PCDH15: variants seen among roughly 807,000 people sequenced by gnomAD.
The protein encoded by PCDH15 is protocadherin-15.
In PCDH15, 129 loss-of-function variants were observed where a neutral mutation model predicts 178.5. That is an observed-to-expected ratio of 0.72 (90% confidence interval 0.63 to 0.84). The LOEUF is 0.84. PCDH15 is among the 40% of genes least tolerant of loss of function. The pLI is 0.00. For synonymous variants in PCDH15, 800 were observed against 732.0 expected, an observed-to-expected ratio of 1.09 and a Z score of -1.50; for missense variants, 2,230 against 2,099.9, an observed-to-expected ratio of 1.06 and a Z score of -1.21.
chr10:55,335,076 G>A (rs965563806), intron 2 of PCDH15, among the ~76,000 whole-genome samples: 3 of 152,166 alleles, frequency 2.0e-5, no homozygotes, highest in Non-Finnish European at 4.4e-5. Flanking sequence ...AAACATAGTT[G>A]TGCTTCTTCC....
intron 2 of PCDH15, among the ~76,000 whole-genome samples, chr10:55,594,903 A>G (rs976259809): frequency 4.6e-5 from 7 of 152,078 alleles, no homozygotes; most frequent in African/African-American, 1.7e-4. Flanking sequence ...ACAAAATTAC[A>G]TATGTACCTA....
chr10:55,292,756 G>A (rs35027245), intron 1 of PCDH15, among the ~76,000 whole-genome samples: 1 of 152,240 alleles, frequency 6.6e-6, no homozygotes, highest in African/African-American at 2.4e-5. Flanking sequence ...GCTGAAGCAA[G>A]AGGTCAGCTC....
chr10:54,535,061 C>T lies in PCDH15; in HGVS notation c.92-7184G>A, dbSNP rs147749922. ...AAGTAATTCAGTTCCAATTCAAGAA[C>T]AGGATATGCTACTTGTGTTACTCTC... is the stretch of plus-strand genomic sequence containing the variant. On this transcript the variant is annotated intron_variant, in intron 2 of 37. Transcript: ENST00000644397. Among the ~76,000 whole-genome samples, 843 of 152,242 alleles carry T rather than the reference C, an allele frequency of 5.5e-3. 1 individual carries two copies. The highest frequency in any genetic ancestry group is 8.5e-3 in the South Asian group (41 of 4,828).
intron 5 of PCDH15, among the ~76,000 whole-genome samples, chr10:54,360,634 A>G (rs1428984754): frequency 1.3e-5 from 2 of 152,132 alleles, no homozygotes; most frequent in African/African-American, 4.8e-5. Context: ...TCAGTCAATT[A>G]TAACTTTTTA....
intron 2 of PCDH15, among the ~76,000 whole-genome samples, chr10:55,412,226 G>C (rs1244443153): frequency 6.6e-6 from 1 of 151,992 alleles, no homozygotes; most frequent in Non-Finnish European, 1.5e-5. Context: ...TCACTGAATG[G>C]AGGGGATTTG....
At chr10:55,519,218 AC>A (rs1841096468) in intron 2 of PCDH15, among the ~76,000 whole-genome samples, 1 of 136,540 alleles carries the variant, frequency 7.3e-6, no homozygotes, top group African/African-American at 2.8e-5. Flanking sequence ...CTGAAAACCC[AC>A]CCTTCATGTT....
intron 2 of PCDH15, among the ~76,000 whole-genome samples, chr10:54,618,159 T>G (rs2093239886): frequency 6.6e-6 from 1 of 152,110 alleles, no homozygotes. Context: ...ACCTCCTGTT[T>G]TCTATAGACA....
In PCDH15 at chr10:54,768,321, G is replaced by A. The variant is rs188820064; in HGVS notation, c.-29+32604C>T. On this transcript the variant is annotated intron_variant, in intron 1 of 37. Transcript: ENST00000644397. ...TCTTTTCCCTGGTTTGCTATGAAAT[G>A]AATGAACAGGACTACAAGAGTTCTG... Among the ~76,000 whole-genome samples, 396 of 152,228 alleles carry A rather than the reference G, an allele frequency of 2.6e-3. 1 individual carries two copies. The highest frequency in any genetic ancestry group is 8.1e-3 in the African/African-American group (335 of 41,516).
At chr10:55,414,823 T>C (rs1838438208) in intron 2 of PCDH15, among the ~76,000 whole-genome samples, 1 of 150,476 alleles carries the variant, frequency 6.6e-6, no homozygotes, top group South Asian at 2.1e-4. Flanking sequence ...GTGTGTTGTG[T>C]ATAGAGTCTT....
rs575914660 is a variant in PCDH15 at position 55,113,488 on chromosome 10, T to A, written c.-80+53088A>T. ...TAAAATACATGGAAGAAGGTAGTCA[T>A]CAAATTCCCAAACTGATATTGTAAC... On this transcript the variant is annotated intron_variant, in intron 2 of 5. Coordinates refer to the PCDH15 transcript ENST00000458638. 3.3e-5 allele frequency among the ~76,000 whole-genome samples: 5 copies of A among 152,322 alleles called. No homozygotes were observed. The South Asian group carries it at 1.0e-3, about 32-fold the overall frequency.
intron 2 of PCDH15, among the ~76,000 whole-genome samples, chr10:54,981,306 C>A (rs1839226102): frequency 1.3e-5 from 2 of 152,126 alleles, no homozygotes; most frequent in African/African-American, 2.4e-5. Context: ...CCTTGCCATA[C>A]CAAATTCCAT....
chr10:53,932,020 T>A (rs1421695073), intron 25 of PCDH15, among the ~76,000 whole-genome samples: 2 of 152,174 alleles, frequency 1.3e-5, no homozygotes, highest in Non-Finnish European at 1.5e-5. Context: ...GGTAGCGAAG[T>A]TCCTACTTCA....
At chr10:54,867,273 C>T (rs896052485) in intron 3 of PCDH15, among the ~76,000 whole-genome samples, 1 of 152,104 alleles carries the variant, frequency 6.6e-6, no homozygotes, top group Non-Finnish European at 1.5e-5. Flanking sequence ...ACTGTGATCT[C>T]TCCAAATACT....
chr10:54,845,794 T>G (rs1439118742), intron 3 of PCDH15, among the ~76,000 whole-genome samples: 1 of 152,074 alleles, frequency 6.6e-6, no homozygotes, highest in African/African-American at 2.4e-5. Flanking sequence ...AATGTAAAGA[T>G]GTTCACTGTC....
At chr10:55,509,848 A>T (rs146185171) in intron 2 of PCDH15, among the ~76,000 whole-genome samples, 57 of 152,096 alleles carry the variant, frequency 3.7e-4, no homozygotes, top group Non-Finnish European at 7.7e-4. Flanking sequence ...ACTTTGAGTC[A>T]CAAATCATAG....
intron 3 of PCDH15, among the ~76,000 whole-genome samples, chr10:54,457,433 A>G (rs952130533): frequency 1.3e-5 from 2 of 152,140 alleles, no homozygotes; most frequent in African/African-American, 4.8e-5. Context: ...TGCTAACGTC[A>G]GCCCTCCTAA....
At chr10:55,084,235 G>C (rs1462398688) in intron 2 of PCDH15, among the ~76,000 whole-genome samples, 1 of 151,508 alleles carries the variant, frequency 6.6e-6, no homozygotes, top group Non-Finnish European at 1.5e-5. Flanking sequence ...GACAAAAAAA[G>C]ACATAGACCA....
At chr10:55,222,033 ATTT>A (rs59795608) in intron 1 of PCDH15, among the ~76,000 whole-genome samples, 1 of 138,884 alleles carries the variant, frequency 7.2e-6, no homozygotes. Context: ...CACCCGGCTA[ATTT>A]TTTTTTTTTT....
intron 3 of PCDH15, among the ~76,000 whole-genome samples, chr10:54,806,765 T>C (rs1952784412): frequency 6.6e-6 from 1 of 152,198 alleles, no homozygotes; most frequent in South Asian, 2.1e-4. Context: ...ATTACAGGTC[T>C]GAGCCGCCTC....
Sources: gnomAD v4.1 joint callset for allele counts (sites outside exome capture counted in the v4.1 genomes callset) on GRCh38, gnomAD v4.1.1 for gene constraint, MANE v1.5 for transcripts, NCBI Gene and HGNC (gene_info 2026-07-23, HGNC 2026-07-21) for gene names.